NLGN3: variants seen among roughly 807,000 people sequenced by gnomAD.
The protein encoded by NLGN3 is neuroligin-3.
A neutral mutation model predicts 42.9 loss-of-function variants in NLGN3; 11 were observed. The ratio of observed to expected loss-of-function variants is 0.26; its 90% CI spans 0.16 to 0.42. The LOEUF (loss-of-function observed/expected upper bound fraction) is 0.42. NLGN3 is among the 10% of genes least tolerant of loss of function. NLGN3 has a pLI of 1.00. For missense variants in NLGN3, 374 were observed against 733.8 expected (o/e 0.51, Z 5.67); for synonymous variants, 279 against 312.7 (o/e 0.89, Z 1.14).
At position 71,167,817 on chromosome X, in the gene NLGN3, G is replaced by GT. The variant is rs771396848; in HGVS notation, c.1703+24dup. The GT allele has an allele frequency of 1.0e-4, 122 of 1,186,985 alleles. 1 individual carries two copies. The highest frequency in any genetic ancestry group is 9.4e-5 in the Non-Finnish European group (82 of 875,218). ...CAAGACTGGGTAAGGAGAAAATAGG[G>GT]TTTTTTTCCTCTTTGAGACCCCAGC... On this transcript the variant is annotated intron_variant, in intron 7 of 7. Coordinates refer to ENST00000358741, the MANE Select transcript of NLGN3 (RefSeq NM_181303.2).
chrX:71,170,370 C>G lies in NLGN3; in HGVS notation c.*273C>G, dbSNP rs1299170682. 1 of 1,003,379 alleles carries G rather than the reference C, an allele frequency of 1.0e-6. No individual in the cohort carries two copies. Among genetic ancestry groups the G allele is most frequent in the African/African-American group, 2.0e-5 (1 of 50,861 alleles). 82.7% of individuals were successfully genotyped at this position (1,003,379 alleles called of 1,213,427 possible). A position where few individuals can be genotyped will look rare whatever the true frequency, so the allele number is the denominator to read the frequency against. ...CTCGGTAAACCGAGGACCCATGAAA[C>G]AGCAGCTGAAGCCAGCTCCCTGAAT... On this transcript the variant is annotated 3_prime_UTR_variant, in exon 8 of 8. Transcript: ENST00000358741.
intron 7 of NLGN3, among the ~76,000 whole-genome samples, chrX:71,168,884 GAGAA>G (rs559388531): frequency 3.5e-4 from 25 of 71,584 alleles, no homozygotes; most frequent in South Asian, 3.3e-3. Flanking sequence ...AGAAAAGAAA[GAGAA>G]AGAAAGAAAG....
intron 5 of NLGN3, among the ~76,000 whole-genome samples, chrX:71,155,837 C>T (rs1469312007): frequency 9.0e-6 from 1 of 110,977 alleles, no homozygotes; most frequent in Admixed American, 9.6e-5. Flanking sequence ...TTCTCACTCA[C>T]CCCCATAAAG....
Position 71,165,640 on chromosome X carries a change from T to C in NLGN3, c.913+1312T>C, listed in dbSNP as rs1481763031. ...CCCAGGCTCAAGTGATCCTCCTGCC[T>C]CAGCCCCCAGAGTAGCTGGGGACTA... On this transcript the variant is annotated intron_variant, in intron 6 of 7. Coordinates refer to ENST00000358741, the MANE Select transcript of NLGN3 (RefSeq NM_181303.2). Among the ~76,000 whole-genome samples, 3 of 111,176 alleles carry C rather than the reference T, an allele frequency of 2.7e-5. No individual in the cohort carries two copies. In the Admixed American group the frequency reaches 2.9e-4, roughly 11 times the overall value.
intron 5 of NLGN3, among the ~76,000 whole-genome samples, chrX:71,156,306 T>G (rs772556922): frequency 9.7e-6 from 1 of 102,831 alleles, no homozygotes; most frequent in African/African-American, 3.6e-5. Context: ...CACACACACC[T>G]GTCCCTCACT....
intron 3 of NLGN3, among the ~76,000 whole-genome samples, chrX:71,149,183 C>T (rs1205028625): frequency 9.0e-6 from 1 of 111,403 alleles, no homozygotes; most frequent in Non-Finnish European, 1.9e-5. Context: ...GCCAGTGGCT[C>T]TCTCGGTGAC....
chrX:71,153,353 C>T, intron 3 of NLGN3, 124 bp from the exon 4 acceptor site: 2 of 677,813 alleles, frequency 3.0e-6, no homozygotes, highest in Non-Finnish European at 4.7e-6. Flanking sequence ...ATCCCTCCTG[C>T]CTGTCCTGGG....
At chrX:71,171,660 G>A (rs182101732), downstream of NLGN3, 74 of 749,296 alleles carry the variant, frequency 9.9e-5, no homozygotes, top group Admixed American at 3.6e-4. Flanking sequence ...CCAGTGCAGC[G>A]TCAGACGTGG....
rs781426057 is a variant in NLGN3, at chrX:71,147,776, G to A, written c.27G>A (p.Ser9=). The A allele has an allele frequency of 1.1e-5, 13 of 1,206,684 alleles. No homozygotes were observed. The highest frequency in any genetic ancestry group is 8.8e-5 in the African/African-American group (5 of 57,036). MWLRLGPP[S]LSLSPKPTVG... ...TGTGGCTGCGGCTTGGCCCGCCCTC[G>A]CTGTCCCTGAGCCCCAAGCCCACGG... The change falls in exon 2 of 8, where the codon TCG becomes TCA. Residue 9 remains serine (S), a synonymous_variant. Transcript: ENST00000358741.
At position 71,147,601 on chromosome X, in the gene NLGN3, A is replaced by T; in HGVS notation, c.-149A>T. The T allele has an allele frequency of 1.9e-6, 1 of 514,155 alleles. No homozygotes were observed. Among genetic ancestry groups the T allele is most frequent in the Non-Finnish European group, 3.4e-6 (1 of 293,033 alleles). The allele number at this position is 514,155 out of a possible 1,213,427, so 42.4% of individuals were successfully genotyped here. ...TTTCTGAAGCTGTGGTGCTTGGACG[A>T]CCTGCTCTCTACATTGCTGGGCACC... is the stretch of plus-strand genomic sequence containing the variant. On this transcript the variant is annotated 5_prime_UTR_variant, in exon 2 of 8. Transcript: ENST00000358741.
intron 6 of NLGN3, among the ~76,000 whole-genome samples, chrX:71,166,147 C>T (rs1190124430): frequency 9.1e-6 from 1 of 109,535 alleles, no homozygotes; most frequent in Non-Finnish European, 1.9e-5. Context: ...TTTGAAGTAT[C>T]GGTAGCTTCA....
chrX:71,173,320 T>TA (rs1380442174), downstream of NLGN3, among the ~76,000 whole-genome samples: 1 of 110,769 alleles, frequency 9.0e-6, no homozygotes, highest in Non-Finnish European at 1.9e-5. Flanking sequence ...AGTGAGAGAT[T>TA]ACAATTGGTC....
chrX:71,168,878 A>AG (rs59116285), intron 7 of NLGN3, among the ~76,000 whole-genome samples: 6 of 85,119 alleles, frequency 7.0e-5, no homozygotes, highest in East Asian at 3.0e-4. Flanking sequence ...AGAGAAAGAA[A>AG]AGAAAGAGAA....
At chrX:71,148,231 G>A (rs370757991) in intron 2 of NLGN3, 25 bp downstream of exon 2, 80 of 1,125,146 alleles carry the variant, frequency 7.1e-5, no homozygotes, top group Non-Finnish European at 8.7e-5. Flanking sequence ...CAGGCACTGT[G>A]CCCTCCCTGC....
chrX:71,168,373 C>T (rs1193810976), intron 7 of NLGN3, among the ~76,000 whole-genome samples: 4 of 110,258 alleles, frequency 3.6e-5, no homozygotes, highest in Non-Finnish European at 7.6e-5. Context: ...TATACACACA[C>T]ACACTATGGG....
At chrX:71,152,197 G>C (rs193236931) in intron 3 of NLGN3, among the ~76,000 whole-genome samples, 2 of 110,995 alleles carry the variant, frequency 1.8e-5, no homozygotes, top group East Asian at 2.8e-4. Flanking sequence ...ACACTGACCA[G>C]CATCCAGACA....
At position 71,169,882 on chromosome X, in the gene NLGN3, G is replaced by A. The variant is rs17857401; in HGVS notation, c.2332G>A (p.Gly778Ser). 6.7e-6 allele frequency: 8 copies of A among 1,196,863 alleles called. No individual in the cohort carries two copies. The South Asian group carries it at 7.2e-5, about 11-fold the overall frequency. The change falls in exon 8 of 8, where the codon GGT becomes AGT. Residue 778 changes from glycine (G) to serine (S), a missense_variant. By Grantham distance (56) the Gly-to-Ser change is moderately conservative. Around this residue, in one of 6 missense-constraint regions of NLGN3, gnomAD observed 92 missense variants for 108.0 expected, o/e 0.85. Transcript: ENST00000358741. ...CCCCACCCACCACGAGTGTGAGGCCGGTCCCCCCCATGACACGCTGCGCCT... is the reference window on the plus strand; with the variant it reads ...CCCCACCCACCACGAGTGTGAGGCCAGTCCCCCCCATGACACGCTGCGCCT... ...LGPTHHECEA[G>S]PPHDTLRLTA...
rs189590188 is a variant in NLGN3 at position 71,166,664 on chromosome X, G to A, written c.914-347G>A. On this transcript the variant is annotated intron_variant, in intron 6 of 7. Transcript: ENST00000358741. The stretch of plus-strand genomic sequence containing the variant: ...CAGCTCCCTGGTGGTGCGCTGGCAC[G>A]GAGCTGGGCCCAGCTGGGCAGGAAG... Among the ~76,000 whole-genome samples the A allele has an allele frequency of 8.1e-5, 9 of 111,725 alleles. No homozygotes were observed. In the East Asian group the frequency reaches 1.4e-3, roughly 17 times the overall value.
Position 71,170,590 on chromosome X carries a change from G to A in NLGN3, c.*493G>A. ...TTGTTGATTTTTCTTTTTTAATTTT[G>A]GAACAAATGCTTTTCCAACCCATGA... On this transcript the variant is annotated 3_prime_UTR_variant, in exon 8 of 8. Transcript: ENST00000358741. The A allele has an allele frequency of 1.3e-6, 1 of 790,345 alleles. No homozygotes were observed. Among genetic ancestry groups the A allele is most frequent in the Non-Finnish European group, 1.5e-6 (1 of 661,733 alleles). The allele number at this position is 790,345 out of a possible 1,213,427, so 65.1% of individuals were successfully genotyped here. A position where few individuals can be genotyped will look rare whatever the true frequency, so the allele number is the denominator to read the frequency against.
Sources: allele counts gnomAD v4.1 joint callset (sites outside exome capture counted in the v4.1 genomes callset), GRCh38; gene constraint gnomAD v4.1.1; regional missense constraint gnomAD v4.1.1; transcripts MANE v1.5; gene names NCBI Gene and HGNC (gene_info 2026-07-23, HGNC 2026-07-21).